Variants in ADAM18 observed in about 807,000 individuals in gnomAD.
ADAM18 encodes ADAM metallopeptidase domain 18.
Under a neutral mutation model 94.4 loss-of-function variants are expected in ADAM18, and 117 were observed. The observed-to-expected ratio is 1.24, with a 90% CI of 1.07 to 1.45. The LOEUF (loss-of-function observed/expected upper bound fraction) is 1.45, where lower values mean the gene tolerates loss of function less well. Among genes scored for constraint, ADAM18 ranks in the 40% most tolerant of loss-of-function variants. The pLI is 0.00. For missense variants in ADAM18, 936 were observed against 880.0 expected, an observed-to-expected ratio of 1.06 and a Z score of -0.81; for synonymous variants, 327 against 291.6, an observed-to-expected ratio of 1.12 and a Z score of -1.24.
intron 12 of ADAM18, among the ~76,000 whole-genome samples, chr8:39,655,106 C>T (rs1463203305): frequency 6.6e-6 from 1 of 151,850 alleles, no homozygotes; most frequent in Non-Finnish European, 1.5e-5. Flanking sequence ...AAAACTTAGC[C>T]CAATTTCCCG....
At chr8:39,596,043 T>G (rs985191844) in intron 2 of ADAM18, among the ~76,000 whole-genome samples, 2 of 152,192 alleles carry the variant, frequency 1.3e-5, no homozygotes, top group African/African-American at 4.8e-5. Context: ...AAACTGTGTG[T>G]GTGGTGTTTT....
At chr8:39,625,096 T>A (rs780938215) in intron 6 of ADAM18, among the ~76,000 whole-genome samples, 21 of 152,216 alleles carry the variant, frequency 1.4e-4, no homozygotes, top group Non-Finnish European at 2.6e-4. Flanking sequence ...CTTGGTATTT[T>A]GATAGGAATT....
At chr8:39,627,160 G>A (rs1300084583) in intron 6 of ADAM18, among the ~76,000 whole-genome samples, 1 of 152,122 alleles carries the variant, frequency 6.6e-6, no homozygotes, top group African/African-American at 2.4e-5. Flanking sequence ...TCACACTGCT[G>A]ATAAAGACAT....
At chr8:39,716,367 T>A (rs760659959) in intron 18 of ADAM18, among the ~76,000 whole-genome samples, 71 of 152,130 alleles carry the variant, frequency 4.7e-4, no homozygotes, top group Middle Eastern at 3.4e-3. Context: ...GTGCTGCTTT[T>A]GCTGCAGCCC....
intron 6 of ADAM18, among the ~76,000 whole-genome samples, chr8:39,627,645 G>A (rs1585913855): frequency 1.3e-5 from 2 of 151,804 alleles, no homozygotes; most frequent in African/African-American, 4.8e-5. Context: ...CAGATGTTTG[G>A]TTTGTGATTT....
intron 10 of ADAM18, among the ~76,000 whole-genome samples, chr8:39,642,124 A>G (rs1189258107): frequency 6.6e-6 from 1 of 151,926 alleles, no homozygotes; most frequent in African/African-American, 2.4e-5. Context: ...TTTGTCTTCT[A>G]GTAAATTTCC....
At chr8:39,712,187 CA>C (rs1444941593) in intron 18 of ADAM18, among the ~76,000 whole-genome samples, 3 of 151,900 alleles carry the variant, frequency 2.0e-5, no homozygotes, top group African/African-American at 7.2e-5. Flanking sequence ...GAACCAATGA[CA>C]AAAACCACGA....
chr8:39,610,713 G>C lies in ADAM18; in HGVS notation c.522+7G>C, dbSNP rs750624408. The C allele has an allele frequency of 4.3e-6, 7 of 1,610,966 alleles. No individual in the cohort carries two copies. The South Asian group carries it at 7.7e-5, about 18-fold the overall frequency. ...AGTTCCTTTAAACTCACAGGTGACT[G>C]TCATCATTCTGATGTTATGACATAC... On this transcript the variant is annotated splice_region_variant and intron_variant, in intron 6 of 19. Coordinates refer to ENST00000265707, the MANE Select transcript of ADAM18 (RefSeq NM_014237.3).
intron 17 of ADAM18, 90 bp downstream of exon 17, chr8:39,692,770 TTGC>T: frequency 9.9e-7 from 1 of 1,014,862 alleles, no homozygotes; most frequent in East Asian, 2.6e-5. Context: ...CTAGGTTGAC[TTGC>T]CTAGCTCTGG....
chr8:39,677,833 A>G (rs889399318), intron 15 of ADAM18, among the ~76,000 whole-genome samples: 33 of 152,196 alleles, frequency 2.2e-4, no homozygotes, highest in African/African-American at 8.0e-4. Context: ...GTTTTGTATT[A>G]AGTCTATAAA....
In ADAM18 at chr8:39,609,916, T is replaced by C. The variant is rs1278716209; in HGVS notation, c.344+355T>C. On this transcript the variant is annotated intron_variant, in intron 5 of 19. Coordinates refer to ENST00000265707, the MANE Select transcript of ADAM18 (RefSeq NM_014237.3). ...AGGAAAATATAGTATGGTCTCAGCT[T>C]AGTACCAGATATAAAACAACTAGTT... Among the ~76,000 whole-genome samples the C allele has an allele frequency of 2.0e-5, 3 of 152,124 alleles. No individual in the cohort carries two copies. In the East Asian group the frequency reaches 5.8e-4, roughly 29 times the overall value.
At chr8:39,636,022 T>TGAGA (rs560342416) in intron 7 of ADAM18, among the ~76,000 whole-genome samples, 3 of 144,764 alleles carry the variant, frequency 2.1e-5, no homozygotes, top group East Asian at 4.0e-4. Flanking sequence ...TTTTTTTTTT[T>TGAGA]GAGAGAGAGA....
intron 6 of ADAM18, among the ~76,000 whole-genome samples, chr8:39,623,682 C>T (rs1196481755): frequency 6.6e-6 from 1 of 152,030 alleles, no homozygotes; most frequent in Non-Finnish European, 1.5e-5. Context: ...CTGCAAGCTT[C>T]GCCTCCCGGG....
At position 39,593,347 on chromosome 8, in the gene ADAM18, C is replaced by T. The variant is rs907606911; in HGVS notation, c.132+7995C>T. Among the ~76,000 whole-genome samples, 23 of 152,048 alleles carry T rather than the reference C, an allele frequency of 1.5e-4. 1 individual carries two copies. The highest frequency in any genetic ancestry group is 5.6e-4 in the African/African-American group (23 of 41,406). ...AAGCAATAGGCAGATTCAGTGCAAT[C>T]CCAATCAAAATTCCAATGGCATTCG... On this transcript the variant is annotated intron_variant, in intron 2 of 19. Transcript: ENST00000265707.
chr8:39,603,742 A>G (rs975189273), intron 2 of ADAM18, among the ~76,000 whole-genome samples: 2 of 152,158 alleles, frequency 1.3e-5, no homozygotes, highest in Non-Finnish European at 2.9e-5. Context: ...GATAATACTT[A>G]TGTGTTCAAT....
At chr8:39,629,252 T>C in intron 6 of ADAM18, 122 bp from the exon 7 acceptor site, 1 of 663,974 alleles carries the variant, frequency 1.5e-6, no homozygotes, top group Non-Finnish European at 2.5e-6. Flanking sequence ...AGAATTAATT[T>C]TTATACTTAA....
At chr8:39,659,508 A>T (rs1010269995) in intron 12 of ADAM18, among the ~76,000 whole-genome samples, 2 of 152,172 alleles carry the variant, frequency 1.3e-5, no homozygotes, top group African/African-American at 2.4e-5. Context: ...GATGGGCAAG[A>T]TAGTGAACTT....
intron 19 of ADAM18, 53 bp from the exon 20 acceptor site, chr8:39,729,845 C>CTACT: frequency 6.9e-7 from 1 of 1,459,148 alleles, no homozygotes; most frequent in Non-Finnish European, 9.6e-7. Flanking sequence ...AGGCAATTGG[C>CTACT]TACTACTAAA....
At chr8:39,722,207 GTGTGTGTGTGTATATATATA>G (rs1343649247) in intron 18 of ADAM18, among the ~76,000 whole-genome samples, 2 of 76,438 alleles carry the variant, frequency 2.6e-5, no homozygotes, top group African/African-American at 7.1e-5. Flanking sequence ...GTGTGTGTGT[GTGTGTGTGTGTATATATATA>G]TATATATATA....
Sources: allele counts gnomAD v4.1 joint callset (sites outside exome capture counted in the v4.1 genomes callset), GRCh38; gene constraint gnomAD v4.1.1; transcripts MANE v1.5; gene names NCBI Gene and HGNC (gene_info 2026-07-23, HGNC 2026-07-21).